The following PHACTR2 variants were observed in gnomAD, a reference collection of about 807,000 sequenced individuals.
The protein encoded by PHACTR2 is phosphatase and actin regulator 2.
A neutral mutation model predicts 76.0 loss-of-function variants in PHACTR2; 30 were observed. The ratio of observed to expected loss-of-function variants is 0.39; its 90% CI spans 0.30 to 0.54. The LOEUF is 0.54. Among genes scored for constraint, PHACTR2 ranks in the 20% least tolerant of loss-of-function variants. The probability of loss-of-function intolerance (pLI) is 0.61; values close to 1 mark genes in which losing one functional copy is unlikely to be tolerated. For missense variants in PHACTR2, 696 were observed against 781.1 expected, an observed-to-expected ratio of 0.89 and a Z score of 1.30; for synonymous variants, 292 against 292.5, an observed-to-expected ratio of 1.00 and a Z score of 0.02.
intron 1 of PHACTR2, among the ~76,000 whole-genome samples, chr6:143,638,327 G>T (rs145636027): frequency 2.6e-5 from 4 of 152,024 alleles, no homozygotes; most frequent in African/African-American, 4.8e-5. Context: ...ATCACTTTAG[G>T]CCAGGAGTTT....
chr6:143,667,361 G>T (rs1024110436), intron 1 of PHACTR2, among the ~76,000 whole-genome samples: 4 of 152,172 alleles, frequency 2.6e-5, no homozygotes, highest in African/African-American at 9.7e-5. Flanking sequence ...GGCTATACAA[G>T]TTCTTTTTTG....
Position 143,787,233 on chromosome 6 carries a change from C to T in PHACTR2, c.1708-1540C>T, listed in dbSNP as rs775880024. On this transcript the variant is annotated intron_variant, in intron 10 of 12. Coordinates refer to ENST00000440869, the MANE Select transcript of PHACTR2 (RefSeq NM_001100164.2). This position sits in a 1 kb window ranked among gnomAD's most constrained non-coding sequence, Gnocchi z 4.6. ...CCCATGACTGGGACAGTCCTGAGGACAAGACTGGATGGAGAATTTCTAACC... is the reference window on the plus strand; with the variant it reads ...CCCATGACTGGGACAGTCCTGAGGATAAGACTGGATGGAGAATTTCTAACC... Among the ~76,000 whole-genome samples the T allele has an allele frequency of 9.8e-5, 15 of 152,346 alleles. No homozygotes were observed. Among genetic ancestry groups the T allele is most frequent in the Middle Eastern group, 3.4e-3 (1 of 294 alleles).
chr6:143,551,725 A>G (rs914318070), intron 1 of PHACTR2, among the ~76,000 whole-genome samples: 11 of 152,234 alleles, frequency 7.2e-5, no homozygotes, highest in Middle Eastern at 3.4e-3. Flanking sequence ...AAGATGTTGG[A>G]AAATAGGGTT....
intron 2 of PHACTR2, among the ~76,000 whole-genome samples, chr6:143,723,901 C>G (rs1778499436): frequency 6.6e-6 from 1 of 152,078 alleles, no homozygotes; most frequent in African/African-American, 2.4e-5. Flanking sequence ...ATTTTTTCCT[C>G]AAAACATTTC....
chr6:143,668,464 TGTACCTCTG>T (rs1365019609), intron 1 of PHACTR2, among the ~76,000 whole-genome samples: 1 of 152,222 alleles, frequency 6.6e-6, no homozygotes, highest in African/African-American at 2.4e-5. Context: ...AGCTCCTCTC[TGTACCTCTG>T]GTAGAATTCG....
At position 143,760,623 on chromosome 6, in the gene PHACTR2, A is replaced by G; in HGVS notation, c.677A>G (p.Asn226Ser). 1 of 1,613,796 alleles carries G rather than the reference A, an allele frequency of 6.2e-7. No homozygotes were observed. Among genetic ancestry groups the G allele is most frequent in the Non-Finnish European group, 8.5e-7 (1 of 1,179,816 alleles). ...CCTCCACCCAAGCCAGCAAGCCGAA[A>G]CACGACCCGAGAGGCTGGTGAGTAT... is the stretch of plus-strand genomic sequence containing the variant. ...PVPPPKPASR[N>S]TTREAAGSSH... The change falls in exon 5 of 13, where the codon AAC (asparagine) becomes AGC (serine). Residue 226 changes from asparagine (N) to serine (S), a missense_variant. Coordinates refer to ENST00000440869, the MANE Select transcript of PHACTR2 (RefSeq NM_001100164.2). This position sits in a 1 kb window ranked among gnomAD's most constrained non-coding sequence, Gnocchi z 6.4.
rs1396199000 is a variant in PHACTR2, at chr6:143,770,224, AT to A, written c.1233-2032del. ...ACATGAATGAAGGAACCTTGAAGAC[AT>A]TATGCTAAGTGAAGTATGTTACATA... On this transcript the variant is annotated intron_variant, in intron 6 of 12. Transcript: ENST00000440869. Among the ~76,000 whole-genome samples, 22 of 152,244 alleles carry A rather than the reference AT, an allele frequency of 1.4e-4. 1 individual carries two copies. Among genetic ancestry groups the A allele is most frequent in the African/African-American group, 4.6e-4 (19 of 41,464 alleles).
intron 2 of PHACTR2, among the ~76,000 whole-genome samples, chr6:143,716,114 G>C (rs1194747290): frequency 2.6e-5 from 4 of 152,142 alleles, no homozygotes; most frequent in African/African-American, 9.7e-5. Context: ...GTCACAGGCT[G>C]TCAGGAAGCC....
At chr6:143,573,629 G>GT (rs1222262116) in intron 1 of PHACTR2, among the ~76,000 whole-genome samples, 4 of 151,128 alleles carry the variant, frequency 2.6e-5, no homozygotes, top group African/African-American at 9.8e-5. Flanking sequence ...GCTTGGAAAA[G>GT]TTTCTGTTGA....
intron 1 of PHACTR2, among the ~76,000 whole-genome samples, chr6:143,559,823 G>T (rs1775240543): frequency 7.0e-6 from 1 of 142,258 alleles, no homozygotes. Flanking sequence ...CGATTCTCCT[G>T]CCTCAGCCTC....
chr6:143,769,287 G>A (rs550596330), intron 6 of PHACTR2, among the ~76,000 whole-genome samples: 1 of 152,224 alleles, frequency 6.6e-6, no homozygotes, highest in South Asian at 2.1e-4. Context: ...TATCCAAAAG[G>A]CTACTTTGTA....
rs146252290 is a variant in PHACTR2 at position 143,782,212 on chromosome 6, C to T, written c.1646-1007C>T. On this transcript the variant is annotated intron_variant, in intron 9 of 12. Transcript: ENST00000440869. This position sits in a 1 kb window ranked among gnomAD's most constrained non-coding sequence, Gnocchi z 4.6. ...CTGCACTCTAGCCTGGGTGACAGAGCGAGAATCCGTTTCAAAAAATAAAAT... is the reference window on the plus strand; with the variant it reads ...CTGCACTCTAGCCTGGGTGACAGAGTGAGAATCCGTTTCAAAAAATAAAAT... Among the ~76,000 whole-genome samples the T allele has an allele frequency of 8.6e-3, 1,310 of 151,922 alleles. 10 individuals carry two copies. Among genetic ancestry groups the T allele is most frequent in the South Asian group, 0.019 (92 of 4,810 alleles).
In PHACTR2 at chr6:143,578,366, G is replaced by A. The variant is rs919921238; in HGVS notation, c.217+41159G>A. 6.6e-6 allele frequency among the ~76,000 whole-genome samples: 1 copy of A among 152,140 alleles called. No individual in the cohort carries two copies. The highest frequency in any genetic ancestry group is 2.4e-5 in the African/African-American group (1 of 41,426). On this transcript the variant is annotated intron_variant, in intron 1 of 11. Coordinates refer to the PHACTR2 transcript ENST00000367584. This position sits in a 1 kb window ranked among gnomAD's most constrained non-coding sequence, Gnocchi z 4.5. The stretch of plus-strand genomic sequence containing the variant: ...CCCTTAACTTTCCTCAGGGAGGCAG[G>A]GGAGGCCAGAAGTCAAGAGAATAGA...
At position 143,731,411 on chromosome 6, in the gene PHACTR2, C is replaced by T. The variant is rs376251710; in HGVS notation, c.215-17574C>T. 1.4e-4 allele frequency among the ~76,000 whole-genome samples: 21 copies of T among 152,228 alleles called. No individual in the cohort carries two copies. Among genetic ancestry groups the T allele is most frequent in the Middle Eastern group, 3.4e-3 (1 of 294 alleles). On this transcript the variant is annotated intron_variant, in intron 2 of 12. Coordinates refer to ENST00000440869, the MANE Select transcript of PHACTR2 (RefSeq NM_001100164.2). The surrounding 1 kb of genome is among the most constrained non-coding windows in gnomAD (Gnocchi z 4.9). ...CAAGTGATTCTCCTGCCTCAGCCTC[C>T]GGAGTAGCTGGGATTATAGGCATGA...
chr6:143,639,665 G>A lies in PHACTR2; in HGVS notation c.13+31343G>A, dbSNP rs1227251692. 1.3e-5 allele frequency among the ~76,000 whole-genome samples: 2 copies of A among 152,132 alleles called. No individual in the cohort carries two copies. The highest frequency in any genetic ancestry group is 2.9e-5 in the Non-Finnish European group (2 of 68,006). On this transcript the variant is annotated intron_variant, in intron 1 of 11. Transcript: ENST00000305766. The surrounding 1 kb of genome is among the most constrained non-coding windows in gnomAD (Gnocchi z 5.0). ...ATACCCCATCATGAGTAAGGATAGC[G>A]ATGGTTTGAGCAAGACAGTTGACAA...
intron 11 of PHACTR2, among the ~76,000 whole-genome samples, chr6:143,792,976 CAG>C (rs1339041676): frequency 1.3e-5 from 2 of 152,228 alleles, no homozygotes; most frequent in African/African-American, 4.8e-5. Context: ...CACTTCTTGA[CAG>C]GGGAGTGGCA....
At chr6:143,752,896 A>G (rs1779217307) in intron 3 of PHACTR2, among the ~76,000 whole-genome samples, 1 of 152,170 alleles carries the variant, frequency 6.6e-6, no homozygotes, top group Admixed American at 6.5e-5. Context: ...AATCTTTTCA[A>G]GAATCACTGA....
rs1338884701 is a variant in PHACTR2, at chr6:143,617,495, G to C, written c.13+9173G>C. On this transcript the variant is annotated intron_variant, in intron 1 of 11. Coordinates refer to the PHACTR2 transcript ENST00000305766. This position sits in a 1 kb window ranked among gnomAD's most constrained non-coding sequence, Gnocchi z 4.8. The stretch of plus-strand genomic sequence containing the variant: ...CTGTGCCCCACCCTAGACAAATTCA[G>C]TCCGGGACTTTGGAGTGGGGTCAGG... Among the ~76,000 whole-genome samples the C allele has an allele frequency of 1.3e-5, 2 of 152,198 alleles. No individual in the cohort carries two copies. Among genetic ancestry groups the C allele is most frequent in the Non-Finnish European group, 2.9e-5 (2 of 68,030 alleles).
chr6:143,677,195 C>T (rs1428209923), upstream of PHACTR2, among the ~76,000 whole-genome samples: 1 of 151,766 alleles, frequency 6.6e-6, no homozygotes, highest in African/African-American at 2.4e-5. Context: ...TACAGATGTT[C>T]CATATACTGT....
Sources: gnomAD v4.1 joint callset for allele counts (sites outside exome capture counted in the v4.1 genomes callset) on GRCh38, gnomAD v4.1.1 for gene constraint, Gnocchi (gnomAD v3.1) non-coding constraint, MANE v1.5 for transcripts, NCBI Gene and HGNC (gene_info 2026-07-23, HGNC 2026-07-21) for gene names.